PREX2: variants seen among roughly 807,000 people sequenced by gnomAD.
PREX2 encodes the protein phosphatidylinositol 3,4,5-trisphosphate-dependent Rac exchanger 2 protein.
PREX2 carries 107 observed loss-of-function variants against 203.2 expected under a neutral mutation model. That is an observed-to-expected ratio of 0.53 (90% CI 0.45 to 0.62). The LOEUF (loss-of-function observed/expected upper bound fraction) is 0.62, where lower values mean the gene tolerates loss of function less well. PREX2 is among the 20% of genes least tolerant of loss of function. The probability of loss-of-function intolerance (pLI) is 0.00; values close to 1 mark genes in which losing one functional copy is unlikely to be tolerated. For synonymous variants in PREX2, 672 were observed against 663.6 expected, an observed-to-expected ratio of 1.01 and a Z score of -0.19; for missense variants, 1,777 against 1,955.9, an observed-to-expected ratio of 0.91 and a Z score of 1.72.
chr8:68,186,440 A>G (rs1812189068), intron 35 of PREX2, among the ~76,000 whole-genome samples: 1 of 152,204 alleles, frequency 6.6e-6, no homozygotes, highest in African/African-American at 2.4e-5. Flanking sequence ...AAATGTTTTA[A>G]AAAATGTGTA....
At chr8:67,961,391 A>G (rs1285153911) in intron 1 of PREX2, among the ~76,000 whole-genome samples, 13 of 152,086 alleles carry the variant, frequency 8.5e-5, no homozygotes, top group African/African-American at 2.9e-4. Context: ...ATTATTAGCT[A>G]TGTTAAAATC....
intron 1 of PREX2, among the ~76,000 whole-genome samples, chr8:67,964,715 GAA>G (rs535054455): frequency 2.0e-5 from 3 of 151,610 alleles, no homozygotes; most frequent in African/African-American, 7.3e-5. Flanking sequence ...GAAGTTTCCA[GAA>G]AAAAAATTCC....
chr8:68,140,453 TTAAGTGGTGTAA>T (rs1811205306), intron 33 of PREX2, among the ~76,000 whole-genome samples: 1 of 152,190 alleles, frequency 6.6e-6, no homozygotes, highest in African/African-American at 2.4e-5. Flanking sequence ...CACATCTTAT[TTAAGTGGTGTAA>T]GAAAATGAAG....
In PREX2 at chr8:68,198,821, A is replaced by G. The variant is rs545506815; in HGVS notation, c.4604+6296A>G. 3.9e-5 allele frequency among the ~76,000 whole-genome samples: 6 copies of G among 152,284 alleles called. No homozygotes were observed. In the South Asian group the frequency reaches 8.3e-4, roughly 21 times the overall value. On this transcript the variant is annotated intron_variant, in intron 37 of 39. Transcript: ENST00000288368. Reference sequence around the variant, plus strand: ...TTTCCCCTGTAATGACTTGTTCCAGAGAGTTTTTGTCTTCATATTCTCTTC... The same window carrying G: ...TTTCCCCTGTAATGACTTGTTCCAGGGAGTTTTTGTCTTCATATTCTCTTC...
chr8:68,128,485 G>T (rs1163443839), intron 31 of PREX2, among the ~76,000 whole-genome samples: 2 of 152,118 alleles, frequency 1.3e-5, no homozygotes, highest in Admixed American at 6.6e-5. Flanking sequence ...GATCTTGGCT[G>T]GGTTTGCACA....
At chr8:68,080,725 T>C in intron 16 of PREX2, 21 bp from the exon 17 acceptor site, 1 of 1,505,930 alleles carries the variant, frequency 6.6e-7, no homozygotes, top group Non-Finnish European at 9.1e-7. Context: ...TTATCAATAA[T>C]GTTAATATTT....
Position 68,118,582 on chromosome 8 carries a change from C to T in PREX2, c.3359C>T (p.Ser1120Phe). 6.2e-7 allele frequency: 1 copy of T among 1,614,090 alleles called. No individual in the cohort carries two copies. The highest frequency in any genetic ancestry group is 8.5e-7 in the Non-Finnish European group (1 of 1,179,942). The change falls in exon 27 of 40, where the codon TCC becomes TTC. Residue 1120 changes from serine (S) to phenylalanine (F), a missense_variant. By Grantham distance (155) the Ser-to-Phe change is radical. Coordinates refer to ENST00000288368, the MANE Select transcript of PREX2 (RefSeq NM_024870.4). ...AACAGCAATAGGAATTCCATCGCCT[C>T]CTTCACCAGCATCTGCAGCAGCCAG... ...DCNSNRNSIA[S>F]FTSICSSQCS... is the part of the protein sequence containing the mutation.
intron 11 of PREX2, among the ~76,000 whole-genome samples, chr8:68,063,567 G>A (rs1340367138): frequency 6.6e-6 from 1 of 152,178 alleles, no homozygotes; most frequent in Non-Finnish European, 1.5e-5. Context: ...TACAACACAA[G>A]TCACTATATT....
chr8:68,167,424 C>G (rs577080149), intron 35 of PREX2, among the ~76,000 whole-genome samples: 29 of 151,732 alleles, frequency 1.9e-4, no homozygotes, highest in Non-Finnish European at 3.4e-4. Context: ...ACCTCTGCCT[C>G]CCAGGTTCAA....
intron 37 of PREX2, among the ~76,000 whole-genome samples, chr8:68,210,923 A>G (rs1219873540): frequency 6.6e-6 from 1 of 152,206 alleles, no homozygotes; most frequent in Non-Finnish European, 1.5e-5. Flanking sequence ...AGTGAACTAA[A>G]TATAGTGTAA....
intron 23 of PREX2, chr8:68,100,111 G>C: frequency 1.7e-6 from 1 of 574,958 alleles, no homozygotes; most frequent in Non-Finnish European, 3.4e-6. Context: ...TCTAGTAAAA[G>C]ATAGAGCTGG....
chr8:68,142,225 A>T (rs1397739689), intron 33 of PREX2, among the ~76,000 whole-genome samples: 1 of 152,162 alleles, frequency 6.6e-6, no homozygotes, highest in Admixed American at 6.6e-5. Context: ...TGTATCCACC[A>T]TTATAGTATC....
chr8:68,082,142 C>T (rs1809550561), intron 17 of PREX2: 1 of 152,138 alleles, frequency 6.6e-6, no homozygotes, highest in Non-Finnish European at 1.5e-5. Context: ...GACACAAAAT[C>T]CCCCACCCTC....
At chr8:68,116,804 CAT>C (rs1264437951) in intron 26 of PREX2, among the ~76,000 whole-genome samples, 3 of 152,142 alleles carry the variant, frequency 2.0e-5, no homozygotes, top group African/African-American at 7.2e-5. Context: ...ACTTTTCAAA[CAT>C]ATGAATTTTA....
At chr8:67,969,628 A>G (rs1259462584) in intron 1 of PREX2, among the ~76,000 whole-genome samples, 3 of 152,192 alleles carry the variant, frequency 2.0e-5, no homozygotes, top group Non-Finnish European at 2.9e-5. Flanking sequence ...TTTTCCACCT[A>G]GGAAGGTTTA....
At chr8:68,061,167 G>A (rs954881495) in intron 11 of PREX2, among the ~76,000 whole-genome samples, 1 of 152,198 alleles carries the variant, frequency 6.6e-6, no homozygotes, top group Admixed American at 6.5e-5. Context: ...CATTCCACCC[G>A]GAGGAAATAA....
intron 7 of PREX2, among the ~76,000 whole-genome samples, chr8:68,043,504 C>T (rs1006820345): frequency 2.0e-5 from 3 of 151,978 alleles, no homozygotes; most frequent in Non-Finnish European, 2.9e-5. Context: ...GAAGAGGGGG[C>T]GTTGCAGTTT....
intron 21 of PREX2, among the ~76,000 whole-genome samples, chr8:68,096,080 C>T (rs1255781767): frequency 6.6e-6 from 1 of 152,136 alleles, no homozygotes; most frequent in African/African-American, 2.4e-5. Context: ...CATCTCAACT[C>T]ATTGGAGCAA....
chr8:67,991,975 C>T (rs1806622435), intron 1 of PREX2, among the ~76,000 whole-genome samples: 1 of 152,226 alleles, frequency 6.6e-6, no homozygotes, highest in African/African-American at 2.4e-5. Flanking sequence ...ACTATCTTCA[C>T]TGTTTTTCAT....
Sources: gnomAD v4.1 joint callset for allele counts (sites outside exome capture counted in the v4.1 genomes callset) on GRCh38, gnomAD v4.1.1 for gene constraint, MANE v1.5 for transcripts, NCBI Gene and HGNC (gene_info 2026-07-23, HGNC 2026-07-21) for gene names.